The following SEMA3C variants were observed in gnomAD, a reference collection of about 807,000 sequenced individuals.
SEMA3C encodes the protein semaphorin 3C.
Under a neutral mutation model 89.4 loss-of-function variants are expected in SEMA3C, and 47 were observed. The ratio of observed to expected loss-of-function variants is 0.53; its 90% CI spans 0.42 to 0.67. SEMA3C has a LOEUF of 0.67. Among genes scored for constraint, SEMA3C ranks in the 30% least tolerant of loss-of-function variants. The pLI is 0.00. For missense variants in SEMA3C, 839 were observed against 929.1 expected (o/e 0.90, Z 1.26); for synonymous variants, 310 against 320.2 (o/e 0.97, Z 0.34).
chr7:80,771,193 T>C (rs1788424263), intron 12 of SEMA3C, among the ~76,000 whole-genome samples: 1 of 152,196 alleles, frequency 6.6e-6, no homozygotes, highest in Non-Finnish European at 1.5e-5. Context: ...AGTTATGTTT[T>C]AGTTTTAGCT....
chr7:80,801,842 C>G (rs931000169), intron 9 of SEMA3C, among the ~76,000 whole-genome samples: 6 of 151,988 alleles, frequency 3.9e-5, no homozygotes, highest in Non-Finnish European at 8.8e-5. Context: ...TCTAGAAAAG[C>G]TTATCTAGAA....
chr7:80,834,654 T>A (rs991927612), intron 2 of SEMA3C, among the ~76,000 whole-genome samples: 1 of 152,176 alleles, frequency 6.6e-6, no homozygotes, highest in African/African-American at 2.4e-5. Flanking sequence ...CTCAAAAATG[T>A]GAACTTGATA....
At chr7:80,783,867 C>T (rs576709125) in intron 12 of SEMA3C, among the ~76,000 whole-genome samples, 28 of 152,234 alleles carry the variant, frequency 1.8e-4, no homozygotes, top group Middle Eastern at 3.4e-3. Context: ...TCCAGTTAAA[C>T]GGAAGCTAAT....
Position 80,758,453 on chromosome 7 carries a change from G to C in SEMA3C, c.1521C>G (p.Ser507=), listed in dbSNP as rs572078354. Reference sequence around the variant, plus strand: ...TGTGGCAGCGGTGCAGAGATACCTGGGAAACCCCTTCATTGGAACTCACAT... The same window carrying C: ...TGTGGCAGCGGTGCAGAGATACCTGCGAAACCCCTTCATTGGAACTCACAT... The part of the protein sequence containing the change: ...QLYVSSNEGV[S]QVSLHRCHIY... The change falls in exon 15 of 18, where the codon TCC becomes TCG. Residue 507 remains serine (S), a synonymous_variant. Transcript: ENST00000265361. The C allele has an allele frequency of 4.3e-6, 7 of 1,613,986 alleles. No individual in the cohort carries two copies. The South Asian group carries it at 7.7e-5, about 18-fold the overall frequency.
chr7:80,884,861 C>T (rs185360365), intron 2 of SEMA3C, among the ~76,000 whole-genome samples: 45 of 152,248 alleles, frequency 3.0e-4, no homozygotes, highest in Middle Eastern at 3.4e-3. Context: ...AATATGTTGA[C>T]GGTGTAGGAA....
In SEMA3C at chr7:80,743,557, G is replaced by C. The variant is rs1389430852; in HGVS notation, c.*1337C>G. The C allele has an allele frequency of 6.6e-6, 1 of 151,740 alleles. No individual in the cohort carries two copies. The highest frequency in any genetic ancestry group is 2.4e-5 in the African/African-American group (1 of 41,406). The allele number at this position is 151,740 out of a possible 1,614,324, so 9.4% of individuals were successfully genotyped here. On this transcript the variant is annotated 3_prime_UTR_variant, in exon 18 of 18. Transcript: ENST00000265361. ...AGGTAAATAAAAAAGCAAAAGTAGT[G>C]TTTTTAAAATATATATGAGAGCATG... is the stretch of plus-strand genomic sequence containing the variant.
intron 11 of SEMA3C, among the ~76,000 whole-genome samples, chr7:80,792,234 C>T (rs1000585219): frequency 4.6e-5 from 7 of 152,146 alleles, no homozygotes; most frequent in Non-Finnish European, 8.8e-5. Context: ...TGAACGTGTT[C>T]CATACTTCTG....
intron 6 of SEMA3C, among the ~76,000 whole-genome samples, chr7:80,808,815 C>T (rs1789401192): frequency 6.6e-6 from 1 of 152,176 alleles, no homozygotes; most frequent in Non-Finnish European, 1.5e-5. Flanking sequence ...ACTCTTGTTG[C>T]CCAGGCTGGA....
At chr7:80,800,669 G>C (rs1336555811) in intron 10 of SEMA3C, 88 bp downstream of exon 10, 1 of 821,904 alleles carries the variant, frequency 1.2e-6, no homozygotes, top group Non-Finnish European at 1.9e-6. Context: ...AAAATTAAAA[G>C]TTGCAGAGAA....
intron 2 of SEMA3C, among the ~76,000 whole-genome samples, chr7:80,913,447 C>G (rs1469998074): frequency 6.6e-6 from 1 of 152,116 alleles, no homozygotes; most frequent in Non-Finnish European, 1.5e-5. Flanking sequence ...AAGTCTAGTG[C>G]TTAGTCATAA....
At chr7:80,824,598 C>A (rs1003544396) in intron 4 of SEMA3C, among the ~76,000 whole-genome samples, 3 of 152,108 alleles carry the variant, frequency 2.0e-5, no homozygotes, top group Non-Finnish European at 2.9e-5. Context: ...ATCTATCAAA[C>A]CTTTCTTAAA....
At chr7:80,837,293 C>T (rs1298599589) in intron 2 of SEMA3C, among the ~76,000 whole-genome samples, 8 of 152,108 alleles carry the variant, frequency 5.3e-5, no homozygotes, top group Admixed American at 4.6e-4. Flanking sequence ...TTTCAGGAAT[C>T]GAGAATTACC....
intron 15 of SEMA3C, among the ~76,000 whole-genome samples, chr7:80,754,704 T>C (rs1366322176): frequency 6.6e-6 from 1 of 152,168 alleles, no homozygotes; most frequent in East Asian, 1.9e-4. Context: ...ATATTTTTTA[T>C]ATATGTAGCA....
At chr7:80,749,458 A>C (rs1371944061) in intron 16 of SEMA3C, among the ~76,000 whole-genome samples, 1 of 152,166 alleles carries the variant, frequency 6.6e-6, no homozygotes, top group African/African-American at 2.4e-5. Flanking sequence ...CCCATTCCTA[A>C]AGTCCATACT....
rs375219766 is a variant in SEMA3C at position 80,845,158 on chromosome 7, A to G, written c.104-16413T>C. Among the ~76,000 whole-genome samples the G allele has an allele frequency of 2.6e-4, 39 of 152,170 alleles. No homozygotes were observed. In the East Asian group the frequency reaches 6.8e-3, roughly 27 times the overall value. On this transcript the variant is annotated intron_variant, in intron 2 of 17. Coordinates refer to ENST00000265361, the MANE Select transcript of SEMA3C (RefSeq NM_006379.5). The stretch of plus-strand genomic sequence containing the variant: ...CTCAGCTTTTTACTCAATCTAAGAA[A>G]AGTTCCCAGAACCCTACTGTTCCCT...
intron 17 of SEMA3C, among the ~76,000 whole-genome samples, chr7:80,748,472 C>T (rs768620611): frequency 2.0e-5 from 3 of 152,180 alleles, no homozygotes; most frequent in East Asian, 1.9e-4. Context: ...AGCAGAAAAA[C>T]GCTCTTTGTC....
intron 4 of SEMA3C, among the ~76,000 whole-genome samples, chr7:80,825,913 G>A (rs1021765381): frequency 3.3e-5 from 5 of 152,118 alleles, no homozygotes; most frequent in Non-Finnish European, 5.9e-5. Flanking sequence ...TCATTGTAAT[G>A]TATTTGTTTA....
intron 2 of SEMA3C, among the ~76,000 whole-genome samples, chr7:80,830,892 G>C (rs1789994475): frequency 1.3e-5 from 2 of 152,168 alleles, no homozygotes; most frequent in Non-Finnish European, 2.9e-5. Context: ...TGCCAGACTA[G>C]AGGTTAGGGC....
chr7:80,884,448 C>T (rs553151312), intron 2 of SEMA3C, among the ~76,000 whole-genome samples: 75 of 152,084 alleles, frequency 4.9e-4, no homozygotes, highest in African/African-American at 1.7e-3. Context: ...TAAATATATC[C>T]GATTTTTTTA....
Sources: allele counts gnomAD v4.1 joint callset (sites outside exome capture counted in the v4.1 genomes callset), GRCh38; gene constraint gnomAD v4.1.1; transcripts MANE v1.5; gene names NCBI Gene and HGNC (gene_info 2026-07-23, HGNC 2026-07-21).